The following UBE2W variants were observed in gnomAD, a reference collection of about 807,000 sequenced individuals.
UBE2W encodes the protein ubiquitin-conjugating enzyme E2 W.
A neutral mutation model predicts 27.2 loss-of-function variants in UBE2W; 18 were observed. The ratio of observed to expected loss-of-function variants is 0.66; its 90% CI spans 0.46 to 0.98. The LOEUF (loss-of-function observed/expected upper bound fraction) is 0.98, where lower values mean the gene tolerates loss of function less well. Among genes scored for constraint, UBE2W ranks in the 50% least tolerant of loss-of-function variants. The pLI is 0.00. For missense variants in UBE2W, 90 were observed against 180.2 expected (o/e 0.50, Z 2.87); for synonymous variants, 53 against 57.2 (o/e 0.93, Z 0.33).
At position 73,789,950 on chromosome 8, in the gene UBE2W, G is replaced by A. The variant is rs1808124898; in HGVS notation, c.*4152C>T. 2.0e-6 allele frequency: 2 copies of A among 984,194 alleles called. No homozygotes were observed. The highest frequency in any genetic ancestry group is 9.4e-5 in the South Asian group (2 of 21,274). The allele number at this position is 984,194 out of a possible 1,614,324, so 61.0% of individuals were successfully genotyped here. A position where few individuals can be genotyped will look rare whatever the true frequency, so the allele number is the denominator to read the frequency against. On this transcript the variant is annotated 3_prime_UTR_variant, in exon 6 of 6. Transcript: ENST00000602593. Reference sequence around the variant, plus strand: ...CTTGGACAATAATTTGGCTTTGGGAGAGTCCTCATCCGAAAATAACAAAAT... The same window carrying A: ...CTTGGACAATAATTTGGCTTTGGGAAAGTCCTCATCCGAAAATAACAAAAT...
Position 73,794,235 on chromosome 8 carries a change from T to A in UBE2W, c.443-120A>T, listed in dbSNP as rs893123499. 5 of 1,240,390 alleles carry A rather than the reference T, an allele frequency of 4.0e-6. No homozygotes were observed. The African/African-American group carries it at 7.5e-5, about 19-fold the overall frequency. The allele number at this position is 1,240,390 out of a possible 1,614,324, so 76.8% of individuals were successfully genotyped here. Reference sequence around the variant, plus strand: ...AGAAGTACATAGTTTACATGTCTGATCTGCCTCCCCCAAACCTGTGAATAC... The same window carrying A: ...AGAAGTACATAGTTTACATGTCTGAACTGCCTCCCCCAAACCTGTGAATAC... On this transcript the variant is annotated intron_variant, in intron 5 of 5. Transcript: ENST00000602593.
intron 1 of UBE2W, chr8:73,832,062 G>A (rs1359395765): frequency 6.6e-6 from 1 of 151,194 alleles, no homozygotes; most frequent in Non-Finnish European, 1.5e-5. Context: ...CTTGAGCCCA[G>A]CAGTTTGAGA....
At chr8:73,801,390 G>T (rs1184983196) in intron 5 of UBE2W, among the ~76,000 whole-genome samples, 1 of 152,122 alleles carries the variant, frequency 6.6e-6, no homozygotes, top group Non-Finnish European at 1.5e-5. Flanking sequence ...AGAGAGGGTT[G>T]TACTTTAAAA....
At chr8:73,856,852 T>C (rs1012005502) in intron 1 of UBE2W, among the ~76,000 whole-genome samples, 16 of 152,090 alleles carry the variant, frequency 1.1e-4, no homozygotes, top group Non-Finnish European at 1.8e-4. Flanking sequence ...ACTATTGGCA[T>C]GTGCCACCAC....
downstream of UBE2W, among the ~76,000 whole-genome samples, chr8:73,782,687 G>A (rs561519928): frequency 6.6e-6 from 1 of 152,180 alleles, no homozygotes; most frequent in African/African-American, 2.4e-5. Context: ...TCTAGTTTGG[G>A]CAGATTACAT....
At chr8:73,802,759 C>T (rs1217502330) in intron 5 of UBE2W, among the ~76,000 whole-genome samples, 1 of 152,154 alleles carries the variant, frequency 6.6e-6, no homozygotes, top group Non-Finnish European at 1.5e-5. Context: ...TGTGGAGGCT[C>T]ATGCCTGTAA....
chr8:73,836,654 T>C (rs993032000), intron 1 of UBE2W, among the ~76,000 whole-genome samples: 10 of 152,244 alleles, frequency 6.6e-5, no homozygotes, highest in African/African-American at 1.7e-4. Flanking sequence ...GAAGAACTAG[T>C]ATGACCTTTT....
intron 1 of UBE2W, chr8:73,833,925 C>T (rs542767762): frequency 6.6e-6 from 1 of 152,288 alleles, no homozygotes; most frequent in East Asian, 1.9e-4. Context: ...CCCGAGAGGT[C>T]ACCATATTGA....
intron 1 of UBE2W, among the ~76,000 whole-genome samples, chr8:73,866,282 AAAAAAAAAAT>A (rs1302498667): frequency 1.2e-4 from 12 of 100,414 alleles, no homozygotes; most frequent in African/African-American, 4.2e-4. Flanking sequence ...AAAAAAAAAA[AAAAAAAAAAT>A]ATATATATAT....
Position 73,796,755 on chromosome 8 carries a change from C to T in UBE2W, c.443-2640G>A, listed in dbSNP as rs535162615. The T allele has an allele frequency of 8.2e-5, 54 of 658,026 alleles. No individual in the cohort carries two copies. In the African/African-American group the frequency reaches 1.0e-3, roughly 12 times the overall value. The allele number at this position is 658,026 out of a possible 1,614,324, so 40.8% of individuals were successfully genotyped here. On this transcript the variant is annotated intron_variant, in intron 5 of 5. Transcript: ENST00000602593. Reference sequence around the variant, plus strand: ...AGATACAACTATGAGCCAAAGCCATCGCCATCCTTTTTCTAAATAGGATGG... The same window carrying T: ...AGATACAACTATGAGCCAAAGCCATTGCCATCCTTTTTCTAAATAGGATGG...
Position 73,787,157 on chromosome 8 carries a change from C to T in UBE2W, c.*6945G>A, listed in dbSNP as rs967359136. 2.0e-6 allele frequency: 2 copies of T among 985,418 alleles called. No homozygotes were observed. The highest frequency in any genetic ancestry group is 2.4e-6 in the Non-Finnish European group (2 of 829,942). The allele number at this position is 985,418 out of a possible 1,614,324, so 61.0% of individuals were successfully genotyped here. On this transcript the variant is annotated 3_prime_UTR_variant, in exon 6 of 6. Coordinates refer to ENST00000602593, the MANE Select transcript of UBE2W (RefSeq NM_018299.6). ...AGGCAAACATTAAAAATAAATCTTA[C>T]AGGCAACTAAAAAAATGGTTGAAAG... is the stretch of plus-strand genomic sequence containing the variant.
intron 1 of UBE2W, among the ~76,000 whole-genome samples, chr8:73,862,123 T>C (rs1811556734): frequency 6.6e-6 from 1 of 152,170 alleles, no homozygotes; most frequent in East Asian, 1.9e-4. Flanking sequence ...TCTACAACTT[T>C]GGCTGCACAT....
At chr8:73,844,973 A>G in intron 1 of UBE2W, among the ~76,000 whole-genome samples, 1 of 143,576 alleles carries the variant, frequency 7.0e-6, no homozygotes, top group African/African-American at 2.6e-5. Context: ...CTGGGAAGCG[A>G]GGAGCGTCTC....
chr8:73,813,522 C>T (rs1322116273), intron 3 of UBE2W, among the ~76,000 whole-genome samples: 1 of 152,172 alleles, frequency 6.6e-6, no homozygotes, highest in Non-Finnish European at 1.5e-5. Flanking sequence ...CAAATGCAGC[C>T]ACCCTAAAAC....
chr8:73,839,590 G>C (rs1810452505), intron 1 of UBE2W, among the ~76,000 whole-genome samples: 1 of 151,628 alleles, frequency 6.6e-6, no homozygotes, highest in Admixed American at 6.6e-5. Context: ...CCAGGAGGCA[G>C]AGTTTGCAGT....
In UBE2W at chr8:73,791,267, G is replaced by GAAAAAAAAA. The variant is rs1267971469; in HGVS notation, c.*2826_*2834dup. ...TGGCATTAATCCCTACTTGACCAAA[G>GAAAAAAAAA]AAAAAAAAAAAAAAGAAGGGCATCA... On this transcript the variant is annotated 3_prime_UTR_variant, in exon 6 of 6. Transcript: ENST00000602593. 2.2e-6 allele frequency: 1 copy of GAAAAAAAAA among 446,446 alleles called. No individual in the cohort carries two copies. 27.7% of individuals were successfully genotyped at this position (446,446 alleles called of 1,614,324 possible).
intron 1 of UBE2W, among the ~76,000 whole-genome samples, chr8:73,842,987 C>T (rs774055456): frequency 3.9e-5 from 6 of 152,068 alleles, no homozygotes; most frequent in Non-Finnish European, 7.3e-5. Context: ...AATTTTATTT[C>T]GCCTTCAAAA....
chr8:73,780,618 T>G, intron 4 of UBE2W: 1 of 399,520 alleles, frequency 2.5e-6, no homozygotes, highest in Non-Finnish European at 5.0e-6. Context: ...ATCTCCCAGG[T>G]TGAAGCAATC....
chr8:73,808,054 A>G (rs568985683), intron 4 of UBE2W, among the ~76,000 whole-genome samples: 1 of 152,188 alleles, frequency 6.6e-6, no homozygotes, highest in East Asian at 1.9e-4. Flanking sequence ...TTATGGAACC[A>G]CTCCTGACTG....
Sources: allele counts gnomAD v4.1 joint callset (sites outside exome capture counted in the v4.1 genomes callset), GRCh38; gene constraint gnomAD v4.1.1; transcripts MANE v1.5; gene names NCBI Gene and HGNC (gene_info 2026-07-23, HGNC 2026-07-21).